Variants in PTPRD observed in about 807,000 individuals in gnomAD.
PTPRD encodes the protein receptor-type tyrosine-protein phosphatase delta.
PTPRD carries 34 observed loss-of-function variants against 214.5 expected under a neutral mutation model. The observed-to-expected ratio is 0.16, with a 90% confidence interval of 0.12 to 0.21. The LOEUF (loss-of-function observed/expected upper bound fraction) is 0.21, where lower values mean the gene tolerates loss of function less well. Among genes scored for constraint, PTPRD ranks in the 10% least tolerant of loss-of-function variants. The pLI is 1.00. For synonymous variants in PTPRD, 1,128 were observed against 845.7 expected, an observed-to-expected ratio of 1.33 and a Z score of -5.79; for missense variants, 2,545 against 2,398.7, an observed-to-expected ratio of 1.06 and a Z score of -1.27.
chr9:9,388,941 T>C (rs962689735), intron 9 of PTPRD, among the ~76,000 whole-genome samples: 1 of 151,584 alleles, frequency 6.6e-6, no homozygotes, highest in African/African-American at 2.4e-5. Context: ...TTAGGGAGAG[T>C]TGGTGCTGAA....
intron 36 of PTPRD, among the ~76,000 whole-genome samples, chr9:8,393,002 C>T (rs989950168): frequency 6.6e-6 from 1 of 152,142 alleles, no homozygotes; most frequent in African/African-American, 2.4e-5. Flanking sequence ...TTTAGAAAGA[C>T]TTTTCAACCA....
chr9:10,217,043 C>A (rs1360892151), intron 3 of PTPRD, among the ~76,000 whole-genome samples: 1 of 151,898 alleles, frequency 6.6e-6, no homozygotes, highest in Non-Finnish European at 1.5e-5. Context: ...ATAATGATTA[C>A]AATACAGTGT....
chr9:9,140,727 C>T lies in PTPRD; in HGVS notation c.-143+42577G>A, dbSNP rs377496464. Among the ~76,000 whole-genome samples, 164 of 152,246 alleles carry T rather than the reference C, an allele frequency of 1.1e-3. No homozygotes were observed. The South Asian group carries it at 0.011, about 10-fold the overall frequency. On this transcript the variant is annotated intron_variant, in intron 10 of 45. Transcript: ENST00000381196. ...CTAAGTAGCTGGGACTACAGGTGCC[C>T]GCCACCACGCCCGGCTAATTTTTTG...
At chr9:8,991,978 G>GA (rs543864082) in intron 11 of PTPRD, among the ~76,000 whole-genome samples, 2 of 152,110 alleles carry the variant, frequency 1.3e-5, no homozygotes, top group South Asian at 4.1e-4. Flanking sequence ...TGTTCAGAAT[G>GA]AAAAAAATGA....
chr9:9,101,116 AGT>A (rs1434696889), intron 10 of PTPRD, among the ~76,000 whole-genome samples: 1 of 145,956 alleles, frequency 6.9e-6, no homozygotes, highest in Non-Finnish European at 1.5e-5. Flanking sequence ...AGAGAGAGAG[AGT>A]AGAGAGCAGG....
chr9:9,220,310 C>CTTTTTTTTTTT, intron 9 of PTPRD, among the ~76,000 whole-genome samples: 1 of 117,790 alleles, frequency 8.5e-6, no homozygotes. Context: ...CTTGCTTTTG[C>CTTTTTTTTTTT]TTTTTTTTTA....
intron 8 of PTPRD, among the ~76,000 whole-genome samples, chr9:9,503,013 T>C (rs1425803411): frequency 6.6e-6 from 1 of 151,834 alleles, no homozygotes; most frequent in African/African-American, 2.4e-5. Flanking sequence ...CACAGGTTAA[T>C]ATGTTTGTTA....
chr9:8,502,925 C>A (rs1238577380), intron 23 of PTPRD, among the ~76,000 whole-genome samples: 1 of 151,174 alleles, frequency 6.6e-6, no homozygotes, highest in South Asian at 2.1e-4. Flanking sequence ...AATATTGAAG[C>A]ATGTAACATT....
intron 5 of PTPRD, among the ~76,000 whole-genome samples, chr9:9,856,358 C>T (rs1380032917): frequency 6.6e-6 from 1 of 152,122 alleles, no homozygotes; most frequent in Non-Finnish European, 1.5e-5. Context: ...CTTTGAGCCA[C>T]GGTCTCAGGG....
chr9:8,858,688 GGCCCGCTGC>G (rs113448016), intron 11 of PTPRD, among the ~76,000 whole-genome samples: 86,488 of 150,908 alleles, frequency 0.57, 25,021 homozygotes, highest in East Asian at 0.76. Flanking sequence ...GGGAGAGCTG[GGCCCGCTGC>G]GCCCGCTGGC....
chr9:8,335,289 C>A (rs1388190955), intron 43 of PTPRD, among the ~76,000 whole-genome samples: 1 of 151,690 alleles, frequency 6.6e-6, no homozygotes, highest in African/African-American at 2.4e-5. Context: ...AAAAGCTTAT[C>A]CACCACGATC....
intron 12 of PTPRD, among the ~76,000 whole-genome samples, chr9:8,724,410 C>T (rs1299438946): frequency 6.6e-6 from 1 of 152,168 alleles, no homozygotes; most frequent in Non-Finnish European, 1.5e-5. Flanking sequence ...ACCCTGGTCC[C>T]TTGTACCACA....
intron 2 of PTPRD, among the ~76,000 whole-genome samples, chr9:10,352,246 T>C (rs2097195738): frequency 6.6e-6 from 1 of 152,064 alleles, no homozygotes; most frequent in Admixed American, 6.6e-5. Context: ...TTTATCCTGT[T>C]TTAATATCAA....
At chr9:9,399,355 A>G (rs1048498710) in intron 8 of PTPRD, among the ~76,000 whole-genome samples, 1 of 151,978 alleles carries the variant, frequency 6.6e-6, no homozygotes, top group Non-Finnish European at 1.5e-5. Context: ...TTTCATTCCA[A>G]TCCCCTCTGG....
intron 14 of PTPRD, among the ~76,000 whole-genome samples, chr9:8,553,399 C>T (rs2082695929): frequency 6.6e-6 from 1 of 152,100 alleles, no homozygotes; most frequent in Non-Finnish European, 1.5e-5. Flanking sequence ...GGCGTGAAAA[C>T]AAGGAGCAAT....
intron 2 of PTPRD, among the ~76,000 whole-genome samples, chr9:10,382,929 C>T (rs1264515308): frequency 2.0e-5 from 3 of 147,372 alleles, no homozygotes; most frequent in South Asian, 2.2e-4. Context: ...GGAGAGAGAC[C>T]GTCCCTTTAG....
At chr9:8,498,342 C>A (rs990037581) in intron 25 of PTPRD, among the ~76,000 whole-genome samples, 4 of 152,108 alleles carry the variant, frequency 2.6e-5, no homozygotes, top group African/African-American at 9.7e-5. Context: ...GTGGTGCGAT[C>A]TTGGCTCACT....
Position 9,164,508 on chromosome 9 carries a change from T to C in PTPRD, c.-143+18796A>G, listed in dbSNP as rs138577464. ...CACAGAAGCTAACATATTGACAGGT[T>C]TCAGTAATTAGGATGTAGATATCTT... On this transcript the variant is annotated intron_variant, in intron 10 of 45. Coordinates refer to ENST00000381196, the MANE Select transcript of PTPRD (RefSeq NM_002839.4). Among the ~76,000 whole-genome samples the C allele has an allele frequency of 7.2e-5, 11 of 152,306 alleles. No individual in the cohort carries two copies. The East Asian group carries it at 2.1e-3, about 29-fold the overall frequency.
intron 14 of PTPRD, among the ~76,000 whole-genome samples, chr9:8,623,382 T>C (rs1002696554): frequency 7.9e-5 from 12 of 151,918 alleles, no homozygotes; most frequent in Non-Finnish European, 1.8e-4. Flanking sequence ...TTGTGGATCC[T>C]ACAACAGCCA....
Sources: gnomAD v4.1 joint callset for allele counts (sites outside exome capture counted in the v4.1 genomes callset) on GRCh38, gnomAD v4.1.1 for gene constraint, MANE v1.5 for transcripts, NCBI Gene and HGNC (gene_info 2026-07-23, HGNC 2026-07-21) for gene names.